Variants in RTN4RL1 observed in about 807,000 individuals in gnomAD.
RTN4RL1 encodes the protein reticulon-4 receptor-like 1.
In RTN4RL1, 7 loss-of-function variants were observed where a neutral mutation model predicts 25.6. The ratio of observed to expected loss-of-function variants is 0.27; its 90% CI spans 0.16 to 0.51. The LOEUF is 0.51. Among genes scored for constraint, RTN4RL1 ranks in the 20% least tolerant of loss-of-function variants. The pLI, the probability that RTN4RL1 is intolerant of heterozygous loss-of-function variation, is 0.97. For missense variants in RTN4RL1, 500 were observed against 615.6 expected, an observed-to-expected ratio of 0.81 and a Z score of 1.99; for synonymous variants, 297 against 288.2, an observed-to-expected ratio of 1.03 and a Z score of -0.31.
rs191931249 is a variant in RTN4RL1 at position 1,974,317 on chromosome 17, G to C, written c.14-36509C>G. 8.1e-4 allele frequency among the ~76,000 whole-genome samples: 122 copies of C among 151,452 alleles called. 2 individuals carry two copies. Among genetic ancestry groups the C allele is most frequent in the Admixed American group, 7.4e-3 (113 of 15,212 alleles). The stretch of plus-strand genomic sequence containing the variant: ...GAGATGAGAGGATGGCTTGAGCCCA[G>C]GAGGTGGAGGTTGCAGTGAGCTGAG... On this transcript the variant is annotated intron_variant, in intron 1 of 1. Transcript: ENST00000331238.
intron 1 of RTN4RL1, among the ~76,000 whole-genome samples, chr17:1,990,593 C>T (rs915158905): frequency 2.6e-5 from 4 of 151,468 alleles, no homozygotes; most frequent in East Asian, 1.9e-4. Context: ...CCCAGCTACT[C>T]GGGAGGCTGA....
intron 1 of RTN4RL1, among the ~76,000 whole-genome samples, chr17:1,951,072 T>C (rs1036487715): frequency 1.3e-5 from 2 of 151,742 alleles, no homozygotes; most frequent in Non-Finnish European, 2.9e-5. Context: ...GAGACCATCC[T>C]GGCTAACACG....
chr17:1,953,215 T>C, intron 1 of RTN4RL1, among the ~76,000 whole-genome samples: 1 of 151,978 alleles, frequency 6.6e-6, no homozygotes, highest in Non-Finnish European at 1.5e-5. Context: ...GAGACCAACC[T>C]GGACAACATA....
intron 1 of RTN4RL1, among the ~76,000 whole-genome samples, chr17:1,990,292 G>A (rs2066903704): frequency 6.6e-6 from 1 of 151,968 alleles, no homozygotes; most frequent in Non-Finnish European, 1.5e-5. Flanking sequence ...GCTTGAATCT[G>A]GGAGGTGGAG....
At chr17:2,004,052 C>CCCT (rs2066976604) in intron 1 of RTN4RL1, among the ~76,000 whole-genome samples, 1 of 148,756 alleles carries the variant, frequency 6.7e-6, no homozygotes, top group Non-Finnish European at 1.5e-5. Context: ...GCCTGGGCAA[C>CCCT]AGAGTGAGAC....
At chr17:1,977,123 G>A (rs959649676) in intron 1 of RTN4RL1, among the ~76,000 whole-genome samples, 1 of 152,196 alleles carries the variant, frequency 6.6e-6, no homozygotes, top group African/African-American at 2.4e-5. Flanking sequence ...TAAAGATGCC[G>A]TATCCAGTTT....
At chr17:1,965,861 G>A (rs998496629) in intron 1 of RTN4RL1, among the ~76,000 whole-genome samples, 15 of 152,166 alleles carry the variant, frequency 9.9e-5, no homozygotes, top group African/African-American at 2.9e-4. Context: ...CCATGTGCCT[G>A]TGGTGAGGAC....
intron 1 of RTN4RL1, chr17:2,003,214 C>G (rs2066970795): frequency 6.6e-6 from 1 of 152,272 alleles, no homozygotes; most frequent in South Asian, 2.1e-4. Flanking sequence ...GCCAAGGCAG[C>G]CTACGAGAGT....
In RTN4RL1 at chr17:1,971,138, A is replaced by AG. The variant is rs1353465999; in HGVS notation, c.14-33331dup. ...CCTTATTGTAATCTCCATGTGTCGA[A>AG]GGGGGAGGTGATTGGATGATGGAGG... On this transcript the variant is annotated intron_variant, in intron 1 of 1. Coordinates refer to ENST00000331238, the MANE Select transcript of RTN4RL1 (RefSeq NM_178568.4). Among the ~76,000 whole-genome samples, 3 of 152,100 alleles carry AG rather than the reference A, an allele frequency of 2.0e-5. No individual in the cohort carries two copies. The East Asian group carries it at 5.8e-4, about 29-fold the overall frequency.
rs192633700 is a variant in RTN4RL1, at chr17:1,973,987, C to T, written c.14-36179G>A. ...CCATGAAGCGGAGATTGCAGTGAGCCGAGATTGCGCCACTGCACTCCAGTC... is the reference window on the plus strand; with the variant it reads ...CCATGAAGCGGAGATTGCAGTGAGCTGAGATTGCGCCACTGCACTCCAGTC... On this transcript the variant is annotated intron_variant, in intron 1 of 1. Coordinates refer to ENST00000331238, the MANE Select transcript of RTN4RL1 (RefSeq NM_178568.4). Among the ~76,000 whole-genome samples the T allele has an allele frequency of 1.3e-3, 184 of 138,328 alleles. 2 individuals carry two copies. The highest frequency in any genetic ancestry group is 4.8e-3 in the African/African-American group (173 of 36,218). 90.7% of individuals were successfully genotyped at this position (138,328 alleles called of 152,430 possible).
intron 1 of RTN4RL1, among the ~76,000 whole-genome samples, chr17:1,947,710 T>C (rs1367840872): frequency 3.9e-5 from 6 of 152,220 alleles, no homozygotes; most frequent in Admixed American, 3.9e-4. Flanking sequence ...CCAGCTCCCC[T>C]ACCCTCTGCC....
intron 1 of RTN4RL1, among the ~76,000 whole-genome samples, chr17:1,980,678 G>A (rs963500141): frequency 6.6e-6 from 1 of 151,954 alleles, no homozygotes; most frequent in Non-Finnish European, 1.5e-5. Context: ...TATCAAAGTG[G>A]AGCATTTGGG....
chr17:2,024,407 A>AG (rs1376937812), intron 1 of RTN4RL1, among the ~76,000 whole-genome samples: 1 of 151,930 alleles, frequency 6.6e-6, no homozygotes, highest in Non-Finnish European at 1.5e-5. Flanking sequence ...GCGCGCGGGG[A>AG]GCGCCCGGGC....
intron 1 of RTN4RL1, among the ~76,000 whole-genome samples, chr17:1,967,477 T>C (rs1331377159): frequency 1.3e-5 from 2 of 151,996 alleles, no homozygotes; most frequent in Non-Finnish European, 2.9e-5. Flanking sequence ...CAAATCTCCC[T>C]GCAGCCACTG....
In RTN4RL1 at chr17:1,966,089, A is replaced by G. The variant is rs553809131; in HGVS notation, c.14-28281T>C. On this transcript the variant is annotated intron_variant, in intron 1 of 1. Transcript: ENST00000331238. Reference sequence around the variant, plus strand: ...TGCTCAGGTCAACAGCCCCCCGCCCACCTCCCTGCCCCTCTGTGATGGCTC... The same window carrying G: ...TGCTCAGGTCAACAGCCCCCCGCCCGCCTCCCTGCCCCTCTGTGATGGCTC... Among the ~76,000 whole-genome samples, 6 of 151,700 alleles carry G rather than the reference A, an allele frequency of 4.0e-5. No individual in the cohort carries two copies. In the East Asian group the frequency reaches 1.2e-3, roughly 29 times the overall value.
At chr17:1,980,707 C>T (rs2066863311) in intron 1 of RTN4RL1, among the ~76,000 whole-genome samples, 1 of 151,888 alleles carries the variant, frequency 6.6e-6, no homozygotes, top group African/African-American at 2.4e-5. Flanking sequence ...GCGGGCGGAT[C>T]ACCTGAGGTC....
intron 1 of RTN4RL1, among the ~76,000 whole-genome samples, chr17:1,944,184 G>T (rs1448040298): frequency 6.6e-6 from 1 of 151,910 alleles, no homozygotes; most frequent in Non-Finnish European, 1.5e-5. Flanking sequence ...TGGGATTACA[G>T]GCGCGAGCTA....
chr17:1,993,616 A>T (rs1482311747), intron 1 of RTN4RL1, among the ~76,000 whole-genome samples: 1 of 152,246 alleles, frequency 6.6e-6, no homozygotes, highest in East Asian at 1.9e-4. Context: ...GGCACATAGT[A>T]ACGGTTCAAT....
intron 1 of RTN4RL1, chr17:1,995,470 T>TA: frequency 6.7e-6 from 1 of 148,334 alleles, no homozygotes; most frequent in Admixed American, 6.7e-5. Flanking sequence ...GGGGAACCTC[T>TA]ACAGCCAGGA....
Sources: gnomAD v4.1 joint callset for allele counts (sites outside exome capture counted in the v4.1 genomes callset) on GRCh38, gnomAD v4.1.1 for gene constraint, MANE v1.5 for transcripts, NCBI Gene and HGNC (gene_info 2026-07-23, HGNC 2026-07-21) for gene names.